Variants in PHF13 observed in about 807,000 individuals in gnomAD.
PHF13 encodes PHD zinc finger protein PHF5.
A neutral mutation model predicts 25.8 loss-of-function variants in PHF13; 1 was observed. That is an observed-to-expected ratio of 0.04 (90% CI 0.01 to 0.18). PHF13 has a LOEUF of 0.18. Among genes scored for constraint, PHF13 ranks in the 10% least tolerant of loss-of-function variants. The pLI, the probability that PHF13 is intolerant of heterozygous loss-of-function variation, is 1.00. For missense variants in PHF13, 306 were observed against 403.2 expected (o/e 0.76, Z 2.06); for synonymous variants, 195 against 162.4 (o/e 1.20, Z -1.53).
intron 1 of PHF13, among the ~76,000 whole-genome samples, chr1:6,614,778 C>T (rs963567610): frequency 1.1e-4 from 16 of 151,230 alleles, no homozygotes; most frequent in Admixed American, 2.6e-4. Flanking sequence ...TTGCTGGCTC[C>T]GCCCCGGCTC....
In PHF13 at chr1:6,613,974, T is replaced by G. The variant is rs902184058; in HGVS notation, c.-93T>G. The G allele has an allele frequency of 9.1e-6, 8 of 880,694 alleles. No individual in the cohort carries two copies. In the African/African-American group the frequency reaches 1.3e-4, roughly 14 times the overall value. The allele number at this position is 880,694 out of a possible 1,614,324, so 54.6% of individuals were successfully genotyped here. ...ACCCCTCCCGGGTCCGCCCTCGCCC[T>G]GCGCAGCCGCCCGAGCCCCCAGCCC... On this transcript the variant is annotated 5_prime_UTR_variant, in exon 1 of 4. Transcript: ENST00000377648.
rs75861867 is a variant in PHF13 at position 6,619,481 on chromosome 1, A to C, written c.142-322A>C. Among the ~76,000 whole-genome samples, 262 of 152,176 alleles carry C rather than the reference A, an allele frequency of 1.7e-3. 2 individuals carry two copies. Among genetic ancestry groups the C allele is most frequent in the African/African-American group, 6.1e-3 (255 of 41,520 alleles). On this transcript the variant is annotated intron_variant, in intron 2 of 3. Transcript: ENST00000377648. ...CAGCCTCCCAAGTAGCTGGGACTACAGGCACCACCACCACGCCCAGCTAAT... is the reference window on the plus strand; with the variant it reads ...CAGCCTCCCAAGTAGCTGGGACTACCGGCACCACCACCACGCCCAGCTAAT...
rs549401668 is a variant in PHF13, at chr1:6,618,696, TGTG to T, written c.142-1100_142-1098del. Among the ~76,000 whole-genome samples the T allele has an allele frequency of 1.7e-3, 260 of 152,090 alleles. 1 individual carries two copies. Among genetic ancestry groups the T allele is most frequent in the African/African-American group, 5.8e-3 (241 of 41,474 alleles). On this transcript the variant is annotated intron_variant, in intron 2 of 3. Coordinates refer to ENST00000377648, the MANE Select transcript of PHF13 (RefSeq NM_153812.3). The stretch of plus-strand genomic sequence containing the variant: ...TCTTGCTCTGTGGCTCAGGCTGGAG[TGTG>T]GTGGTGCGATCTCAGCTCACTGCAA...
chr1:6,615,511 G>A (rs1456400095), intron 1 of PHF13, among the ~76,000 whole-genome samples: 2 of 152,132 alleles, frequency 1.3e-5, no homozygotes, highest in East Asian at 3.9e-4. Context: ...CCGCACGCCT[G>A]CTCCTCGCGG....
chr1:6,623,448 C>G lies in PHF13; in HGVS notation c.*1811C>G, dbSNP rs1641377213. 6.6e-6 allele frequency: 1 copy of G among 152,510 alleles called. No individual in the cohort carries two copies. Among genetic ancestry groups the G allele is most frequent in the African/African-American group, 2.4e-5 (1 of 41,406 alleles). 9.4% of individuals were successfully genotyped at this position (152,510 alleles called of 1,614,324 possible). A position where few individuals can be genotyped will look rare whatever the true frequency, so the allele number is the denominator to read the frequency against. ...GCCAAAGATCTACCCTGAGATAACG[C>G]CTGTCCAGTGTCTTCACCACGTGAA... On this transcript the variant is annotated 3_prime_UTR_variant, in exon 4 of 4. Coordinates refer to ENST00000377648, the MANE Select transcript of PHF13 (RefSeq NM_153812.3).
intron 1 of PHF13, among the ~76,000 whole-genome samples, chr1:6,616,310 A>C (rs1191124554): frequency 6.6e-6 from 1 of 151,980 alleles, no homozygotes; most frequent in South Asian, 2.1e-4. Flanking sequence ...TACAGACGAG[A>C]GCCACCGCGC....
In PHF13 at chr1:6,616,862, ATCT is replaced by A. The variant is rs769560529; in HGVS notation, c.141+8_141+10del. 5.5e-5 allele frequency: 88 copies of A among 1,612,100 alleles called. No homozygotes were observed. Among genetic ancestry groups the A allele is most frequent in the Non-Finnish European group, 6.9e-5 (81 of 1,178,328 alleles). On this transcript the variant is annotated splice_donor_5th_base_variant and intron_variant, in intron 2 of 3. Transcript: ENST00000377648. ...CTACATCCCTTATCCGAAGGAGGTA[ATCT>A]TCTGAGTTTCTGAGACCTTTCTTGA...
intron 1 of PHF13, 40 bp downstream of exon 1, chr1:6,614,145 C>T (rs1347849895): frequency 5.7e-6 from 9 of 1,587,962 alleles, no homozygotes; most frequent in Middle Eastern, 1.7e-4. Flanking sequence ...CCGACCACCC[C>T]CTCCGCGATC....
At position 6,623,975 on chromosome 1, in the gene PHF13, T is replaced by C. The variant is rs1192914047; in HGVS notation, c.*2338T>C. 1 of 152,660 alleles carries C rather than the reference T, an allele frequency of 6.6e-6. No individual in the cohort carries two copies. Among genetic ancestry groups the C allele is most frequent in the Non-Finnish European group, 1.5e-5 (1 of 68,044 alleles). The allele number at this position is 152,660 out of a possible 1,614,324, so 9.5% of individuals were successfully genotyped here. On this transcript the variant is annotated 3_prime_UTR_variant, in exon 4 of 4. Coordinates refer to ENST00000377648, the MANE Select transcript of PHF13 (RefSeq NM_153812.3). ...AAACTGTATATTTTGTAAATAAATA[T>C]ATTGCTACTTTGAGGTTCATGATTC...
intron 1 of PHF13, among the ~76,000 whole-genome samples, chr1:6,616,350 T>C (rs1356542661): frequency 6.6e-6 from 1 of 152,172 alleles, no homozygotes; most frequent in African/African-American, 2.4e-5. Flanking sequence ...TGAAATCACT[T>C]AACATACATC....
rs34391010 is a variant in PHF13 at position 6,621,032 on chromosome 1, G to GAAAAA, written c.677-369_677-365dup. On this transcript the variant is annotated intron_variant, in intron 3 of 3. Transcript: ENST00000377648. The surrounding 1 kb of genome is among the most constrained non-coding windows in gnomAD (Gnocchi z 4.8). ...GGGCGACAGCAAAACTCCGTCTCAA[G>GAAAAA]AAAAAAAAAAAAAACAATAGTCGAG... is the stretch of plus-strand genomic sequence containing the variant. Among the ~76,000 whole-genome samples, 1 of 136,496 alleles carries GAAAAA rather than the reference G, an allele frequency of 7.3e-6. No homozygotes were observed. 89.5% of individuals were successfully genotyped at this position (136,496 alleles called of 152,430 possible).
chr1:6,613,819 C>T lies in PHF13; in HGVS notation c.-248C>T, dbSNP rs1419112872. 11 of 386,246 alleles carry T rather than the reference C, an allele frequency of 2.8e-5. No individual in the cohort carries two copies. The highest frequency in any genetic ancestry group is 2.0e-4 in the Admixed American group (4 of 20,102). The allele number at this position is 386,246 out of a possible 1,614,324, so 23.9% of individuals were successfully genotyped here. ...TCACCGCCGCCGCCGCCGCCCCCTG[C>T]AGCCACTCTCCCGCCTCTACCGCCG... On this transcript the variant is annotated 5_prime_UTR_variant, in exon 1 of 4. Coordinates refer to ENST00000377648, the MANE Select transcript of PHF13 (RefSeq NM_153812.3).
intron 2 of PHF13, among the ~76,000 whole-genome samples, chr1:6,619,061 A>G (rs1488303046): frequency 6.6e-6 from 1 of 152,236 alleles, no homozygotes; most frequent in Non-Finnish European, 1.5e-5. Flanking sequence ...GTAATTACCT[A>G]CTTGGATTCT....
In PHF13 at chr1:6,616,062, C is replaced by G. The variant is rs148261783; in HGVS notation, c.40-695C>G. On this transcript the variant is annotated intron_variant, in intron 1 of 3. Transcript: ENST00000377648. ...TTTTTTTTTTGAGTTGGAATCTTAG[C>G]TCTGTCTACCGGGCTGGAGTGCAGT... Among the ~76,000 whole-genome samples, 607 of 120,122 alleles carry G rather than the reference C, an allele frequency of 5.1e-3. 7 individuals are homozygous for G. The highest frequency in any genetic ancestry group is 0.018 in the African/African-American group (577 of 31,248). 78.8% of individuals were successfully genotyped at this position (120,122 alleles called of 152,430 possible).
Position 6,614,051 on chromosome 1 carries a change from G to GC in PHF13, c.-10dup. 2 of 1,566,028 alleles carry GC rather than the reference G, an allele frequency of 1.3e-6. No individual in the cohort carries two copies. The highest frequency in any genetic ancestry group is 2.3e-5 in the South Asian group (2 of 87,826). ...CTCCTGCACTCTCGCAGCCGCCGCC[G>GC]CCCCCCGCCCGGAACATGGACTCTG... On this transcript the variant is annotated 5_prime_UTR_variant, in exon 1 of 4. Coordinates refer to ENST00000377648, the MANE Select transcript of PHF13 (RefSeq NM_153812.3).
In PHF13 at chr1:6,619,913, A is replaced by G. The variant is rs1032985229; in HGVS notation, c.252A>G (p.Pro84=). ...FSDIASSVPL[P]VSDRCFSHLQ... is the part of the protein sequence containing the mutation. ...ACATCGCGTCCTCAGTGCCCTTGCC[A>G]GTCTCTGACCGCTGCTTTAGCCACC... The change falls in exon 3 of 4, where the codon CCA becomes CCG. Residue 84 remains proline, a synonymous_variant. Transcript: ENST00000377648. 3.1e-6 allele frequency: 5 copies of G among 1,613,990 alleles called. No homozygotes were observed. The highest frequency in any genetic ancestry group is 3.3e-5 in the Admixed American group (2 of 60,016).
intron 2 of PHF13, among the ~76,000 whole-genome samples, chr1:6,617,395 C>G (rs941624541): frequency 3.3e-5 from 5 of 150,898 alleles, no homozygotes; most frequent in Admixed American, 1.3e-4. Flanking sequence ...ATTTAGTAAA[C>G]TTTCAGTTTA....
intron 1 of PHF13, among the ~76,000 whole-genome samples, chr1:6,616,348 C>T (rs1285756747): frequency 2.0e-5 from 3 of 152,150 alleles, no homozygotes; most frequent in Non-Finnish European, 4.4e-5. Flanking sequence ...TTTGAAATCA[C>T]TTAACATACA....
At chr1:6,615,537 G>A (rs1413261503) in intron 1 of PHF13, among the ~76,000 whole-genome samples, 2 of 152,018 alleles carry the variant, frequency 1.3e-5, no homozygotes, top group Non-Finnish European at 2.9e-5. Flanking sequence ...GGGGCGGCCC[G>A]AGACCCCTGC....
Sources: allele counts gnomAD v4.1 joint callset (sites outside exome capture counted in the v4.1 genomes callset), GRCh38; gene constraint gnomAD v4.1.1; non-coding constraint Gnocchi (gnomAD v3.1); transcripts MANE v1.5; gene names NCBI Gene and HGNC (gene_info 2026-07-23, HGNC 2026-07-21).